The following EME2 variants were observed in gnomAD, a reference collection of about 807,000 sequenced individuals.
EME2 encodes essential meiotic structure-specific endonuclease subunit 2.
In EME2, 58 loss-of-function variants were observed where a neutral mutation model predicts 41.9. The observed-to-expected ratio is 1.38, with a 90% CI of 1.12 to 1.72. EME2 has a LOEUF of 1.72. Among genes scored for constraint, EME2 ranks in the 40% most tolerant of loss-of-function variants. The pLI is 0.00. For synonymous variants in EME2, 334 were observed against 239.3 expected (o/e 1.40, Z -3.65); for missense variants, 695 against 541.9 (o/e 1.28, Z -2.81).
At position 1,781,617 on chromosome 16, in the gene EME2, A is replaced by C; in HGVS notation, c.*5379A>C. The stretch of plus-strand genomic sequence containing the variant: ...GCAGGGGCCGCACCGGTGCCCAGCC[A>C]GGGCTCCAGAACGCTTCAGGAGCCC... On this transcript the variant is annotated 3_prime_UTR_variant, in exon 8 of 8. Transcript: ENST00000568449. The C allele has an allele frequency of 9.3e-7, 1 of 1,076,620 alleles. No homozygotes were observed. Among genetic ancestry groups the C allele is most frequent in the Non-Finnish European group, 1.3e-6 (1 of 756,128 alleles). 66.7% of individuals were successfully genotyped at this position (1,076,620 alleles called of 1,614,324 possible).
Position 1,778,999 on chromosome 16 carries a change from C to T in EME2, c.*2761C>T. Reference sequence around the variant, plus strand: ...AAGGCCACCACCCCCACACCAGGCCCAGCTGCAGCCACCCGGCCTCAGGGC... The same window carrying T: ...AAGGCCACCACCCCCACACCAGGCCTAGCTGCAGCCACCCGGCCTCAGGGC... On this transcript the variant is annotated 3_prime_UTR_variant, in exon 8 of 8. Transcript: ENST00000568449. The T allele has an allele frequency of 5.3e-6, 1 of 187,816 alleles. No individual in the cohort carries two copies. The highest frequency in any genetic ancestry group is 1.1e-5 in the Non-Finnish European group (1 of 91,548). 11.6% of individuals were successfully genotyped at this position (187,816 alleles called of 1,614,324 possible).
rs1277498072 is a variant in EME2 at position 1,774,414 on chromosome 16, C to T, written c.477+62C>T. ...GAGGGGTGGGTTCCCAGCCGGGAGG[C>T]GCCTGCTCCGCCGGTCCCTGCCCCT... On this transcript the variant is annotated intron_variant, in intron 3 of 7. Transcript: ENST00000568449. 5.9e-6 allele frequency: 8 copies of T among 1,361,182 alleles called. No homozygotes were observed. In the East Asian group the frequency reaches 1.2e-4, roughly 20 times the overall value. The allele number at this position is 1,361,182 out of a possible 1,614,324, so 84.3% of individuals were successfully genotyped here.
In EME2 at chr16:1,778,065, G is replaced by A. The variant is rs1282680954; in HGVS notation, c.*1827G>A. 2 of 1,613,106 alleles carry A rather than the reference G, an allele frequency of 1.2e-6. No individual in the cohort carries two copies. The highest frequency in any genetic ancestry group is 2.2e-5 in the East Asian group (1 of 44,876). ...GCCCACCATCTAGGAACAGGGGCCA[G>A]GCAGAGGGCGCGGGGCTGGGCTGCC... On this transcript the variant is annotated 3_prime_UTR_variant, in exon 8 of 8. Coordinates refer to ENST00000568449, the MANE Select transcript of EME2 (RefSeq NM_001257370.2).
rs1003222824 is a variant in EME2 at position 1,774,798 on chromosome 16, G to A, written c.478-243G>A. ...AGGCTGGAGTACAGAGGTGGACCAGGATGAGGGGCTCAATGGAACTGACAT... is the reference window on the plus strand; with the variant it reads ...AGGCTGGAGTACAGAGGTGGACCAGAATGAGGGGCTCAATGGAACTGACAT... On this transcript the variant is annotated intron_variant, in intron 3 of 7. Coordinates refer to ENST00000568449, the MANE Select transcript of EME2 (RefSeq NM_001257370.2). 3 of 585,174 alleles carry A rather than the reference G, an allele frequency of 5.1e-6. No individual in the cohort carries two copies. The African/African-American group carries it at 5.6e-5, about 11-fold the overall frequency. 36.2% of individuals were successfully genotyped at this position (585,174 alleles called of 1,614,324 possible).
Position 1,776,309 on chromosome 16 carries a change from A to C in EME2, c.*71A>C. On this transcript the variant is annotated 3_prime_UTR_variant, in exon 8 of 8. Coordinates refer to ENST00000568449, the MANE Select transcript of EME2 (RefSeq NM_001257370.2). ...CAGACACCCTGGGCGGTGGGGGAGG[A>C]CCCCCAGCCACATGTGGACCCTCAG... is the stretch of plus-strand genomic sequence containing the variant. The C allele has an allele frequency of 5.0e-5, 75 of 1,493,244 alleles. No individual in the cohort carries two copies. The highest frequency in any genetic ancestry group is 3.5e-4 in the Middle Eastern group (2 of 5,644). The allele number at this position is 1,493,244 out of a possible 1,614,324, so 92.5% of individuals were successfully genotyped here. A position where few individuals can be genotyped will look rare whatever the true frequency, so the allele number is the denominator to read the frequency against.
rs752892806 is a variant in EME2 at position 1,778,647 on chromosome 16, C to T, written c.*2409C>T. 8 of 1,521,918 alleles carry T rather than the reference C, an allele frequency of 5.3e-6. No homozygotes were observed. Among genetic ancestry groups the T allele is most frequent in the East Asian group, 2.3e-5 (1 of 43,994 alleles). 94.3% of individuals were successfully genotyped at this position (1,521,918 alleles called of 1,614,324 possible). A position where few individuals can be genotyped will look rare whatever the true frequency, so the allele number is the denominator to read the frequency against. On this transcript the variant is annotated 3_prime_UTR_variant, in exon 8 of 8. Transcript: ENST00000568449. ...AAGGGCCGGCTGTTACTACCTGTTG[C>T]CCGCTCTCTACCCTCTCACCCTTGC...
In EME2 at chr16:1,779,793, T is replaced by G. The variant is rs1896654349; in HGVS notation, c.*3555T>G. The G allele has an allele frequency of 6.6e-6, 1 of 152,160 alleles. No individual in the cohort carries two copies. The highest frequency in any genetic ancestry group is 2.4e-5 in the African/African-American group (1 of 41,430). 9.4% of individuals were successfully genotyped at this position (152,160 alleles called of 1,614,324 possible). A position where few individuals can be genotyped will look rare whatever the true frequency, so the allele number is the denominator to read the frequency against. On this transcript the variant is annotated 3_prime_UTR_variant, in exon 8 of 8. Transcript: ENST00000568449. The stretch of plus-strand genomic sequence containing the variant: ...GACAAGCAGCACATGTGTCGAACAC[T>G]GCCGAGCCCGCAGGCACGCCTGCAT...
rs999365367 is a variant in EME2, at chr16:1,776,380, G to A, written c.*142G>A. 1.5e-5 allele frequency: 11 copies of A among 724,442 alleles called. No individual in the cohort carries two copies. In the Admixed American group the frequency reaches 3.0e-4, roughly 19 times the overall value. The allele number at this position is 724,442 out of a possible 1,614,324, so 44.9% of individuals were successfully genotyped here. On this transcript the variant is annotated 3_prime_UTR_variant, in exon 8 of 8. Transcript: ENST00000568449. ...GAGCAGGTCTGACCTCAGGGGAAGGGTGGGTGGTTGCAGGGGAAGTTTTAG... is the reference window on the plus strand; with the variant it reads ...GAGCAGGTCTGACCTCAGGGGAAGGATGGGTGGTTGCAGGGGAAGTTTTAG...
chr16:1,773,758 G>C lies in EME2; in HGVS notation c.301G>C (p.Gly101Arg), dbSNP rs945752344. ...DVLMEALEAL[G>R]CECRIEPQRP... is the part of the protein sequence containing the mutation. ...CCTGATGGAGGCCCTGGAGGCCCTGGGCTGCGAGTGCCGCATCGAGCCCCA... is the reference window on the plus strand; with the variant it reads ...CCTGATGGAGGCCCTGGAGGCCCTGCGCTGCGAGTGCCGCATCGAGCCCCA... Residue 101 changes from glycine to arginine, a missense_variant, in exon 2 of 8, where the codon GGC becomes CGC. Gly to Arg is a moderately radical substitution (Grantham distance 125, BLOSUM62 -2). Coordinates refer to ENST00000568449, the MANE Select transcript of EME2 (RefSeq NM_001257370.2). 6.5e-7 allele frequency: 1 copy of C among 1,550,282 alleles called. No individual in the cohort carries two copies. Among genetic ancestry groups the C allele is most frequent in the Non-Finnish European group, 8.7e-7 (1 of 1,148,170 alleles).
At position 1,781,585 on chromosome 16, in the gene EME2, G is replaced by T; in HGVS notation, c.*5347G>T. The T allele has an allele frequency of 1.4e-6, 2 of 1,398,202 alleles. No homozygotes were observed. Among genetic ancestry groups the T allele is most frequent in the Middle Eastern group, 2.6e-4 (1 of 3,832 alleles). 86.6% of individuals were successfully genotyped at this position (1,398,202 alleles called of 1,614,324 possible). ...GCTGGGCCACGGACCCACTCAAAGT[G>T]GGGACTGCAGGGGCCGCACCGGTGC... On this transcript the variant is annotated 3_prime_UTR_variant, in exon 8 of 8. Transcript: ENST00000568449.
rs147937692 is a variant in EME2, at chr16:1,776,747, C to T, written c.*509C>T. 6 of 393,904 alleles carry T rather than the reference C, an allele frequency of 1.5e-5. No individual in the cohort carries two copies. Among genetic ancestry groups the T allele is most frequent in the African/African-American group, 1.2e-4 (6 of 48,990 alleles). The allele number at this position is 393,904 out of a possible 1,614,324, so 24.4% of individuals were successfully genotyped here. On this transcript the variant is annotated 3_prime_UTR_variant, in exon 8 of 8. Coordinates refer to ENST00000568449, the MANE Select transcript of EME2 (RefSeq NM_001257370.2). ...ACATCAACTCTACATTTATTGCAGT[C>T]CTTTAAGTCTATGACGGCGGGGCAG...
rs1364101713 is a variant in EME2 at position 1,775,366 on chromosome 16, G to A, written c.621G>A (p.Val207=). 6.2e-7 allele frequency: 1 copy of A among 1,610,328 alleles called. No individual in the cohort carries two copies. The highest frequency in any genetic ancestry group is 1.3e-5 in the African/African-American group (1 of 74,934). Residue 207 remains valine, a synonymous_variant, in exon 5 of 8, where the codon GTG becomes GTA. Coordinates refer to ENST00000568449, the MANE Select transcript of EME2 (RefSeq NM_001257370.2). ...CACAGCAGCCAGAGAGCCCGAAGGT[G>A]GCCGGTGCCGAGGTGGCCGTCAGCT... ...RGTQQPESPK[V]AGAEVAVSWP...
At position 1,777,890 on chromosome 16, in the gene EME2, C is replaced by G. The variant is rs559627334; in HGVS notation, c.*1652C>G. 1.2e-6 allele frequency: 2 copies of G among 1,611,876 alleles called. No individual in the cohort carries two copies. Among genetic ancestry groups the G allele is most frequent in the East Asian group, 2.2e-5 (1 of 44,854 alleles). On this transcript the variant is annotated 3_prime_UTR_variant, in exon 8 of 8. Coordinates refer to ENST00000568449, the MANE Select transcript of EME2 (RefSeq NM_001257370.2). ...GAGGAGGCCTGGGGGCAGCCAGGGT[C>G]GCAGTGAGCCCGGGAGCTCCAGGCT...
Position 1,776,136 on chromosome 16 carries a change from T to A in EME2, c.1038T>A (p.Ser346Arg). 1 of 1,612,268 alleles carries A rather than the reference T, an allele frequency of 6.2e-7. No individual in the cohort carries two copies. The highest frequency in any genetic ancestry group is 1.1e-5 in the South Asian group (1 of 91,076). The change falls in exon 8 of 8, where the codon AGT becomes AGA. Residue 346 changes from serine to arginine, a missense_variant. Transcript: ENST00000568449. ...GLLADLPVPP[S>R]EGGRPRRVGP... The stretch of plus-strand genomic sequence containing the variant: ...TGGCCGACCTTCCTGTGCCGCCCAG[T>A]GAAGGCGGGCGTCCCCGCAGGGTGG...
chr16:1,774,208 C>T, intron 2 of EME2, 52 bp from the exon 3 acceptor site: 1 of 1,557,294 alleles, frequency 6.4e-7, no homozygotes, highest in East Asian at 2.2e-5. Flanking sequence ...GGCAGGGCCC[C>T]TGGGGCACCC....
Position 1,774,965 on chromosome 16 carries a change from C to T in EME2, c.478-76C>T, listed in dbSNP as rs2042686951. 4.3e-6 allele frequency: 5 copies of T among 1,166,194 alleles called. No individual in the cohort carries two copies. The East Asian group carries it at 7.1e-5, about 16-fold the overall frequency. 72.2% of individuals were successfully genotyped at this position (1,166,194 alleles called of 1,614,324 possible). ...TTTTCAGGCTTGCTGTTCTGCAAAC[C>T]AGCTGTGGCCTGGTGGCCCATGGCC... On this transcript the variant is annotated intron_variant, in intron 3 of 7. Transcript: ENST00000568449.
At position 1,777,139 on chromosome 16, in the gene EME2, G is replaced by A. The variant is rs141858238; in HGVS notation, c.*901G>A. 4.9e-5 allele frequency: 79 copies of A among 1,611,584 alleles called. 1 individual carries two copies. Among genetic ancestry groups the A allele is most frequent in the South Asian group, 4.7e-4 (43 of 91,040 alleles). On this transcript the variant is annotated 3_prime_UTR_variant, in exon 8 of 8. Coordinates refer to ENST00000568449, the MANE Select transcript of EME2 (RefSeq NM_001257370.2). ...GCTTCCTCTGGCAGGGCCGAGGCTC[G>A]CGACTGCTGGGGTGGGCGGAGGTCG...
Position 1,775,646 on chromosome 16 carries a change from G to A in EME2, c.741G>A (p.Val247=). 3 of 1,612,932 alleles carry A rather than the reference G, an allele frequency of 1.9e-6. No individual in the cohort carries two copies. Among genetic ancestry groups the A allele is most frequent in the East Asian group, 2.2e-5 (1 of 44,890 alleles). ...VASWQELSRH[V]CAVTKALAQY... Reference sequence around the variant, plus strand: ...CTTGGCAGGAGCTGAGTCGGCACGTGTGCGCCGTTACCAAGGCTCTCGCCC... The same window carrying A: ...CTTGGCAGGAGCTGAGTCGGCACGTATGCGCCGTTACCAAGGCTCTCGCCC... Residue 247 remains valine (V), a synonymous_variant, in exon 6 of 8, where the codon GTG becomes GTA. Transcript: ENST00000568449.
chr16:1,777,103 C>T lies in EME2; in HGVS notation c.*865C>T. On this transcript the variant is annotated 3_prime_UTR_variant, in exon 8 of 8. Coordinates refer to ENST00000568449, the MANE Select transcript of EME2 (RefSeq NM_001257370.2). ...AGTTCCACTGGGAAGTCAGTCAGGT[C>T]CGGCGGCAGCGCTTCCTCTGGCAGG... 1 of 1,610,744 alleles carries T rather than the reference C, an allele frequency of 6.2e-7. No homozygotes were observed.
Sources: allele counts gnomAD v4.1 joint callset, GRCh38; gene constraint gnomAD v4.1.1; transcripts MANE v1.5; gene names NCBI Gene and HGNC (gene_info 2026-07-23, HGNC 2026-07-21).